Variants in DNAH11 observed in about 807,000 individuals in gnomAD.
DNAH11 encodes the protein dynein axonemal heavy chain 11, also known as axonemal beta dynein heavy chain 11.
DNAH11 carries 442 observed loss-of-function variants against 526.0 expected under a neutral mutation model. The observed-to-expected ratio is 0.84, with a 90% confidence interval of 0.78 to 0.91. The LOEUF (loss-of-function observed/expected upper bound fraction) is 0.91. Among genes scored for constraint, DNAH11 ranks in the 40% least tolerant of loss-of-function variants. DNAH11 has a pLI of 0.00. For missense variants in DNAH11, 6,989 were observed against 5,448.7 expected (o/e 1.28, Z -8.90); for synonymous variants, 2,461 against 1,935.9 (o/e 1.27, Z -7.12).
At chr7:21,859,722 A>T (rs1019522787) in intron 68 of DNAH11, among the ~76,000 whole-genome samples, 3 of 152,046 alleles carry the variant, frequency 2.0e-5, no homozygotes, top group African/African-American at 4.8e-5. Flanking sequence ...ATATATATAG[A>T]TATATTTTTC....
chr7:21,674,751 G>A (rs1782800384), intron 30 of DNAH11, among the ~76,000 whole-genome samples: 1 of 151,744 alleles, frequency 6.6e-6, no homozygotes, highest in Non-Finnish European at 1.5e-5. Flanking sequence ...AGCACAGCCA[G>A]AAGCAGATAG....
At chr7:21,695,152 A>G (rs1783796736) in intron 35 of DNAH11, among the ~76,000 whole-genome samples, 1 of 152,254 alleles carries the variant, frequency 6.6e-6, no homozygotes, top group Admixed American at 6.5e-5. Context: ...CAGTATCATG[A>G]AAATGGCCAT....
Position 21,561,280 on chromosome 7 carries a change from G to T in DNAH11, c.982+110G>T, listed in dbSNP as rs1439857185. The T allele has an allele frequency of 5.3e-6, 4 of 750,232 alleles. No individual in the cohort carries two copies. In the East Asian group the frequency reaches 1.1e-4, roughly 20 times the overall value. 46.5% of individuals were successfully genotyped at this position (750,232 alleles called of 1,614,324 possible). ...CTTCCGCCATGTTTGTGGAGTGATT[G>T]CTCATGGCTCTTCTAATGATAAATT... On this transcript the variant is annotated intron_variant, in intron 5 of 81. Transcript: ENST00000409508.
At chr7:21,899,754 C>A (rs1328452899) in intron 80 of DNAH11, among the ~76,000 whole-genome samples, 1 of 152,190 alleles carries the variant, frequency 6.6e-6, no homozygotes, top group Non-Finnish European at 1.5e-5. Flanking sequence ...AAACCACAGA[C>A]AATCCACAAA....
intron 1 of DNAH11, 70 bp from the exon 2 acceptor site, chr7:21,544,936 A>T: frequency 1.5e-6 from 2 of 1,326,144 alleles, no homozygotes; most frequent in Non-Finnish European, 2.0e-6. Flanking sequence ...TACAGCTACA[A>T]GTTGGATATA....
At chr7:21,601,225 T>G (rs778838974) in intron 17 of DNAH11, 46 bp downstream of exon 17, 1 of 1,551,014 alleles carries the variant, frequency 6.4e-7, no homozygotes, top group Non-Finnish European at 8.7e-7. Context: ...TCTAAACTGC[T>G]TTCTAAAACT....
chr7:21,886,778 A>G (rs982044082), intron 76 of DNAH11, among the ~76,000 whole-genome samples: 1 of 152,208 alleles, frequency 6.6e-6, no homozygotes, highest in African/African-American at 2.4e-5. Flanking sequence ...AATATAGGTG[A>G]TGAAACCTGA....
intron 54 of DNAH11, among the ~76,000 whole-genome samples, chr7:21,761,119 G>A (rs1786881999): frequency 6.6e-6 from 1 of 152,100 alleles, no homozygotes; most frequent in African/African-American, 2.4e-5. Flanking sequence ...GAAAAGAGCA[G>A]AATAACCAAC....
intron 18 of DNAH11, among the ~76,000 whole-genome samples, chr7:21,603,416 C>T (rs1370793641): frequency 6.6e-6 from 1 of 152,172 alleles, no homozygotes; most frequent in Non-Finnish European, 1.5e-5. Context: ...CTTTTCAGTA[C>T]ACCTAGGAGT....
chr7:21,662,273 T>C (rs1308486061), intron 30 of DNAH11, among the ~76,000 whole-genome samples: 1 of 152,180 alleles, frequency 6.6e-6, no homozygotes, highest in Admixed American at 6.5e-5. Context: ...AGAAAAATTT[T>C]CTAACATGCA....
intron 62 of DNAH11, among the ~76,000 whole-genome samples, chr7:21,806,536 G>T (rs780314147): frequency 3.9e-5 from 6 of 152,164 alleles, no homozygotes; most frequent in Non-Finnish European, 8.8e-5. Context: ...TCCGACCTCA[G>T]GGTTGTAGAT....
intron 25 of DNAH11, among the ~76,000 whole-genome samples, chr7:21,620,466 C>G (rs1785995291): frequency 6.6e-6 from 1 of 151,966 alleles, no homozygotes; most frequent in Admixed American, 6.6e-5. Flanking sequence ...GTGTAGATGG[C>G]ATCGTACAAT....
rs1221259409 is a variant in DNAH11 at position 21,600,788 on chromosome 7, C to A, written c.3113C>A (p.Thr1038Asn). ...TTCAGAAACACCCTGGAGACCCACA[C>A]TTACCTCTGGGTGGATGATCGAGCT... ...LDFRNTLETH[T>N]YLWVDDRAEF... The change falls in exon 16 of 82, where the codon ACT (threonine) becomes AAT (asparagine). Residue 1038 changes from threonine (T) to asparagine (N), a missense_variant. Transcript: ENST00000409508. 6.2e-7 allele frequency: 1 copy of A among 1,613,778 alleles called. No homozygotes were observed. The highest frequency in any genetic ancestry group is 1.3e-5 in the African/African-American group (1 of 74,894).
chr7:21,901,023 C>G lies in DNAH11; in HGVS notation c.13320C>G (p.Thr4440=). The G allele has an allele frequency of 6.2e-7, 1 of 1,605,738 alleles. No individual in the cohort carries two copies. Among genetic ancestry groups the G allele is most frequent in the Non-Finnish European group, 8.5e-7 (1 of 1,175,760 alleles). The change falls in exon 82 of 82, where the codon ACC becomes ACG. Residue 4440 remains threonine, a synonymous_variant. Transcript: ENST00000409508. ...GLFMEGARWD[T]QAGTIVEARL... Reference sequence around the variant, plus strand: ...TTGCCATAGGCGCCCGCTGGGACACCCAAGCAGGAACCATTGTTGAAGCCC... The same window carrying G: ...TTGCCATAGGCGCCCGCTGGGACACGCAAGCAGGAACCATTGTTGAAGCCC...
chr7:21,663,757 CTT>C (rs34243043), intron 30 of DNAH11, among the ~76,000 whole-genome samples: 8 of 145,790 alleles, frequency 5.5e-5, no homozygotes, highest in East Asian at 4.0e-4. Context: ...ACAGGATTTC[CTT>C]TTTTTTTTTT....
In DNAH11 at chr7:21,842,615, C is replaced by T. The variant is rs1312198030; in HGVS notation, c.10763C>T (p.Ala3588Val). The T allele has an allele frequency of 6.2e-7, 1 of 1,613,814 alleles. No homozygotes were observed. Among genetic ancestry groups the T allele is most frequent in the Admixed American group, 1.7e-5 (1 of 60,000 alleles). Residue 3588 changes from alanine (A) to valine (V), a missense_variant, in exon 66 of 82, where the codon GCA becomes GTA. By Grantham distance (64) the Ala-to-Val change is moderately conservative. Transcript: ENST00000409508. ...CGCCTTATCCTTCACACAAAATTGGCAAATCCTCACTATAAGCCGGAATTA... is the reference window on the plus strand; with the variant it reads ...CGCCTTATCCTTCACACAAAATTGGTAAATCCTCACTATAAGCCGGAATTA... ...NFRLILHTKL[A>V]NPHYKPELQA...
In DNAH11 at chr7:21,901,264, G is replaced by GGCATTCCTCTAGCCTCTGCT; in HGVS notation, c.*12_*31dup. The GGCATTCCTCTAGCCTCTGCT allele has an allele frequency of 1.3e-6, 2 of 1,595,302 alleles. No individual in the cohort carries two copies. Among genetic ancestry groups the GGCATTCCTCTAGCCTCTGCT allele is most frequent in the Non-Finnish European group, 1.7e-6 (2 of 1,170,964 alleles). On this transcript the variant is annotated 3_prime_UTR_variant, in exon 82 of 82. Coordinates refer to ENST00000409508, the MANE Select transcript of DNAH11 (RefSeq NM_001277115.2). ...GCTTCTAGAAGCGTAAGGTAACACTGGCATTCCTCTAGCCTCTGCTGGAGT... is the reference window on the plus strand; with the variant it reads ...GCTTCTAGAAGCGTAAGGTAACACTGGCATTCCTCTAGCCTCTGCTGCATTCCTCTAGCCTCTGCTGGAGT...
At position 21,717,893 on chromosome 7, in the gene DNAH11, A is replaced by G. The variant is rs759830646; in HGVS notation, c.7102A>G (p.Ile2368Val). The G allele has an allele frequency of 6.2e-7, 1 of 1,613,684 alleles. No homozygotes were observed. The highest frequency in any genetic ancestry group is 1.7e-5 in the Admixed American group (1 of 59,994). ...TAAACTGAGAACAAGCTTTAAAACCATCACTTCAATTCCTGAGAGTAGCCT... is the reference window on the plus strand; with the variant it reads ...TAAACTGAGAACAAGCTTTAAAACCGTCACTTCAATTCCTGAGAGTAGCCT... ...LDKLRTSFKT[I>V]TSIPESSLVQ... The change falls in exon 43 of 82, where the codon ATC becomes GTC. Residue 2368 changes from isoleucine (I) to valine (V), a missense_variant. By Grantham distance (29) the Ile-to-Val change is conservative. Coordinates refer to ENST00000409508, the MANE Select transcript of DNAH11 (RefSeq NM_001277115.2).
chr7:21,785,693 GTGTATA>G (rs67533575), intron 58 of DNAH11, among the ~76,000 whole-genome samples: 50,274 of 151,722 alleles, frequency 0.33, 8,606 homozygotes, highest in East Asian at 0.49. Context: ...ATATGAAGCT[GTGTATA>G]TGTATAAGTT....
Sources: allele counts gnomAD v4.1 joint callset (sites outside exome capture counted in the v4.1 genomes callset), GRCh38; gene constraint gnomAD v4.1.1; transcripts MANE v1.5; gene names NCBI Gene and HGNC (gene_info 2026-07-23, HGNC 2026-07-21).